IMMP2L: variants seen among roughly 807,000 people sequenced by gnomAD.
IMMP2L encodes inner mitochondrial membrane peptidase subunit 2, also known as mitochondrial inner membrane protease subunit 2.
IMMP2L carries 18 observed loss-of-function variants against 19.3 expected under a neutral mutation model. The observed-to-expected ratio is 0.93, with a 90% confidence interval of 0.64 to 1.38. The LOEUF is 1.38. IMMP2L is among the 40% of genes most tolerant of loss of function. IMMP2L has a pLI of 0.00. For synonymous variants in IMMP2L, 76 were observed against 73.0 expected, an observed-to-expected ratio of 1.04 and a Z score of -0.21; for missense variants, 233 against 218.2, an observed-to-expected ratio of 1.07 and a Z score of -0.43.
chr7:111,116,397 C>CT (rs1342620982), intron 3 of IMMP2L, among the ~76,000 whole-genome samples: 2 of 152,106 alleles, frequency 1.3e-5, no homozygotes, highest in Non-Finnish European at 2.9e-5. Context: ...ATTTGAGAAT[C>CT]TGAAAATATC....
At chr7:110,952,371 A>G (rs1300929753) in intron 4 of IMMP2L, among the ~76,000 whole-genome samples, 1 of 152,166 alleles carries the variant, frequency 6.6e-6, no homozygotes, top group Non-Finnish European at 1.5e-5. Context: ...GGAGTAGTAC[A>G]TAAAAAACTC....
chr7:111,208,929 C>A (rs1055756171), intron 3 of IMMP2L, among the ~76,000 whole-genome samples: 7 of 152,034 alleles, frequency 4.6e-5, no homozygotes. Flanking sequence ...TCTAATTATC[C>A]TTTGAGGTAA....
intron 3 of IMMP2L, among the ~76,000 whole-genome samples, chr7:110,985,897 A>G (rs567155773): frequency 6.6e-6 from 1 of 152,332 alleles, no homozygotes; most frequent in African/African-American, 2.4e-5. Context: ...AAAAGCAACT[A>G]ATCACATTTA....
At chr7:111,523,053 T>C (rs905009048) in intron 1 of IMMP2L, among the ~76,000 whole-genome samples, 1 of 151,734 alleles carries the variant, frequency 6.6e-6, no homozygotes, top group African/African-American at 2.4e-5. Flanking sequence ...CGACCACTCA[T>C]ATATAGAATC....
At chr7:111,431,710 T>C (rs1836652187) in intron 3 of IMMP2L, among the ~76,000 whole-genome samples, 1 of 151,848 alleles carries the variant, frequency 6.6e-6, no homozygotes, top group African/African-American at 2.4e-5. Context: ...CATCAAACTT[T>C]ACCAAAACCC....
rs1562889569 is a variant in IMMP2L at position 111,177,044 on chromosome 7, T to C, written c.240-213479A>G. Among the ~76,000 whole-genome samples, 4 of 151,924 alleles carry C rather than the reference T, an allele frequency of 2.6e-5. No homozygotes were observed. In the South Asian group the frequency reaches 8.3e-4, roughly 31 times the overall value. Reference sequence around the variant, plus strand: ...CAGTAAATGTTGATGAAAAAAAAGATAGGGAAAATGTGAAATCTTGAAAAA... The same window carrying C: ...CAGTAAATGTTGATGAAAAAAAAGACAGGGAAAATGTGAAATCTTGAAAAA... On this transcript the variant is annotated intron_variant, in intron 3 of 5. Coordinates refer to ENST00000405709, the MANE Select transcript of IMMP2L (RefSeq NM_032549.4).
At chr7:111,191,431 T>TACACACACACACACAC (rs57414194) in intron 3 of IMMP2L, among the ~76,000 whole-genome samples, 13 of 146,772 alleles carry the variant, frequency 8.9e-5, no homozygotes, top group African/African-American at 2.6e-4. Context: ...GCTGCTCAAA[T>TACACACACACACACAC]ACACACACAC....
intron 4 of IMMP2L, among the ~76,000 whole-genome samples, chr7:110,935,909 T>C (rs1816052272): frequency 6.6e-6 from 1 of 152,030 alleles, no homozygotes; most frequent in Admixed American, 6.6e-5. Flanking sequence ...TCTACAACCA[T>C]CTGATCTTTG....
At chr7:111,391,801 G>T in intron 3 of IMMP2L, 1 of 691,336 alleles carries the variant, frequency 1.4e-6, no homozygotes, top group South Asian at 1.5e-5. Flanking sequence ...AAGGAAACCT[G>T]AATAGAGGTC....
intron 3 of IMMP2L, among the ~76,000 whole-genome samples, chr7:110,981,360 T>C (rs1821277567): frequency 6.6e-6 from 1 of 152,154 alleles, no homozygotes; most frequent in African/African-American, 2.4e-5. Context: ...GTTAGGTTTA[T>C]ACTGGGCAAA....
intron 3 of IMMP2L, among the ~76,000 whole-genome samples, chr7:111,015,348 A>G (rs2129564484): frequency 6.6e-6 from 1 of 152,296 alleles, no homozygotes; most frequent in East Asian, 1.9e-4. Context: ...AGGTATCTAA[A>G]CTAGTTAATA....
At chr7:110,850,323 A>G (rs10282715) in intron 5 of IMMP2L, among the ~76,000 whole-genome samples, 5,701 of 152,130 alleles carry the variant, frequency 0.037, 334 homozygotes, top group African/African-American at 0.13. Flanking sequence ...CAGTTTACAG[A>G]TGCAATGACA....
At chr7:111,528,303 G>A (rs1332835910) in intron 1 of IMMP2L, among the ~76,000 whole-genome samples, 2 of 151,952 alleles carry the variant, frequency 1.3e-5, no homozygotes, top group South Asian at 4.2e-4. Context: ...TAACAATCAG[G>A]TACTAAAATC....
intron 3 of IMMP2L, among the ~76,000 whole-genome samples, chr7:111,192,955 T>C (rs1008519907): frequency 6.6e-6 from 1 of 151,880 alleles, no homozygotes; most frequent in African/African-American, 2.4e-5. Context: ...TGAGGAGAGT[T>C]TGAGTTGGGC....
At chr7:111,079,368 C>T (rs1016057939) in intron 3 of IMMP2L, among the ~76,000 whole-genome samples, 21 of 151,834 alleles carry the variant, frequency 1.4e-4, no homozygotes, top group South Asian at 2.1e-4. Flanking sequence ...CCACCCACCT[C>T]GGCCTCCCAA....
intron 3 of IMMP2L, among the ~76,000 whole-genome samples, chr7:111,069,609 A>T (rs1193149809): frequency 6.6e-6 from 1 of 152,172 alleles, no homozygotes; most frequent in Non-Finnish European, 1.5e-5. Context: ...TTGGATTCCA[A>T]ACACATAGAT....
chr7:110,929,298 T>A (rs2129551492), intron 4 of IMMP2L, among the ~76,000 whole-genome samples: 1 of 152,236 alleles, frequency 6.6e-6, no homozygotes, highest in Admixed American at 6.5e-5. Context: ...CATGAGAAGT[T>A]GCTTTCATCA....
intron 4 of IMMP2L, among the ~76,000 whole-genome samples, chr7:110,917,700 G>C (rs1377568604): frequency 6.6e-6 from 1 of 152,158 alleles, no homozygotes; most frequent in Admixed American, 6.5e-5. Flanking sequence ...GGGAAACAAG[G>C]TGGACGGGTC....
At chr7:110,997,610 T>C (rs1823181155) in intron 3 of IMMP2L, among the ~76,000 whole-genome samples, 1 of 152,162 alleles carries the variant, frequency 6.6e-6, no homozygotes, top group African/African-American at 2.4e-5. Flanking sequence ...CCTTAATGAC[T>C]AATGATGTTT....
Sources: gnomAD v4.1 joint callset for allele counts (sites outside exome capture counted in the v4.1 genomes callset) on GRCh38, gnomAD v4.1.1 for gene constraint, MANE v1.5 for transcripts, NCBI Gene and HGNC (gene_info 2026-07-23, HGNC 2026-07-21) for gene names.